The following SRCIN1 variants were observed in gnomAD, a reference collection of about 807,000 sequenced individuals.
SRCIN1 encodes the protein P130Cas-associated protein.
In SRCIN1, 50 loss-of-function variants were observed where a neutral mutation model predicts 116.2. That is an observed-to-expected ratio of 0.43 (90% CI 0.34 to 0.54). The LOEUF (loss-of-function observed/expected upper bound fraction) is 0.54. Among genes scored for constraint, SRCIN1 ranks in the 20% least tolerant of loss-of-function variants. SRCIN1 has a pLI of 0.02. For synonymous variants in SRCIN1, 736 were observed against 750.0 expected (o/e 0.98, Z 0.30); for missense variants, 1,446 against 1,672.0 (o/e 0.86, Z 2.36).
At chr17:38,606,006 G>A (rs1349368475), upstream of SRCIN1, 3 of 143,504 alleles carry the variant, frequency 2.1e-5, no homozygotes, top group South Asian at 2.1e-4. This position sits in a 1 kb window ranked among gnomAD's most constrained non-coding sequence, Gnocchi z 5.2. Context: ...CGCGCGCGGC[G>A]CGGGCGCGCG....
intron 11 of SRCIN1, among the ~76,000 whole-genome samples, chr17:38,557,626 GA>G (rs1905892870): frequency 6.6e-6 from 1 of 152,254 alleles, no homozygotes; most frequent in East Asian, 1.9e-4. Flanking sequence ...ATTTGGATCA[GA>G]AGACTGTCTT....
chr17:38,530,033 G>A lies in SRCIN1; in HGVS notation c.*3264C>T, dbSNP rs1951531860. 6.6e-6 allele frequency: 1 copy of A among 152,156 alleles called. No individual in the cohort carries two copies. The highest frequency in any genetic ancestry group is 1.5e-5 in the Non-Finnish European group (1 of 68,060). 9.4% of individuals were successfully genotyped at this position (152,156 alleles called of 1,614,324 possible). A position where few individuals can be genotyped will look rare whatever the true frequency, so the allele number is the denominator to read the frequency against. On this transcript the variant is annotated 3_prime_UTR_variant, in exon 19 of 19. Transcript: ENST00000617146. Reference sequence around the variant, plus strand: ...GCCTATAGGAAGGAGATCCAGGAGAGGAAAAAGAAACAAGTTTTATTAAAG... The same window carrying A: ...GCCTATAGGAAGGAGATCCAGGAGAAGAAAAAGAAACAAGTTTTATTAAAG...
rs569096883 is a variant in SRCIN1, at chr17:38,558,600, G to A, written c.2026-198C>T. On this transcript the variant is annotated intron_variant, in intron 10 of 18. Transcript: ENST00000617146. The surrounding 1 kb of genome is among the most constrained non-coding windows in gnomAD (Gnocchi z 4.6). ...AGGGGCGGGATGGCGAAGGGCAGGG[G>A]CAGAGGGCTAAGTTCTGGGGAAGAA... Among the ~76,000 whole-genome samples the A allele has an allele frequency of 6.6e-6, 1 of 152,340 alleles. No individual in the cohort carries two copies. The highest frequency in any genetic ancestry group is 6.5e-5 in the Admixed American group (1 of 15,310).
chr17:38,577,690 G>A (rs1223294761), intron 2 of SRCIN1, among the ~76,000 whole-genome samples: 1 of 152,182 alleles, frequency 6.6e-6, no homozygotes, highest in Non-Finnish European at 1.5e-5. Flanking sequence ...ATGCAGAACT[G>A]TACACAGGAT....
intron 1 of SRCIN1, 139 bp from the exon 2 acceptor site, chr17:38,578,930 T>C: frequency 9.9e-7 from 1 of 1,011,772 alleles, no homozygotes; most frequent in East Asian, 2.8e-5. Context: ...AGGCAGGGGC[T>C]GCCCAGCACC....
At chr17:38,570,415 G>C (rs764469401) in intron 2 of SRCIN1, among the ~76,000 whole-genome samples, 3 of 152,186 alleles carry the variant, frequency 2.0e-5, no homozygotes, top group Non-Finnish European at 4.4e-5. Context: ...CTCACAGTGA[G>C]AGACACACAC....
chr17:38,550,447 T>G (rs965899304), intron 15 of SRCIN1, among the ~76,000 whole-genome samples: 1 of 152,040 alleles, frequency 6.6e-6, no homozygotes, highest in African/African-American at 2.4e-5. Flanking sequence ...TGAGCCAAGA[T>G]AGCGCCACTG....
chr17:38,567,184 C>A (rs1045532409), intron 3 of SRCIN1, among the ~76,000 whole-genome samples: 1 of 152,206 alleles, frequency 6.6e-6, no homozygotes, highest in Non-Finnish European at 1.5e-5. Context: ...GGATTACAGG[C>A]GTGAGCCAGC....
chr17:38,561,037 T>C (rs1392322775), intron 7 of SRCIN1, among the ~76,000 whole-genome samples: 1 of 152,200 alleles, frequency 6.6e-6, no homozygotes, highest in Non-Finnish European at 1.5e-5. Flanking sequence ...CCTTTCCTCG[T>C]CACCATTTTT....
Position 38,551,567 on chromosome 17 carries a change from TAGGAA to T in SRCIN1, c.2728-183_2728-179del, listed in dbSNP as rs1199383220. The T allele has an allele frequency of 9.2e-6, 6 of 652,014 alleles. No homozygotes were observed. The East Asian group carries it at 1.4e-4, about 15-fold the overall frequency. 40.4% of individuals were successfully genotyped at this position (652,014 alleles called of 1,614,324 possible). On this transcript the variant is annotated intron_variant, in intron 14 of 18. Transcript: ENST00000617146. The stretch of plus-strand genomic sequence containing the variant: ...GGGTATCACATGGCATCCCCATGGG[TAGGAA>T]TGCCACCCTCATTATATACTACATT...
Position 38,563,584 on chromosome 17 carries a change from C to T in SRCIN1, c.542-63G>A. On this transcript the variant is annotated intron_variant, in intron 4 of 18. Coordinates refer to ENST00000617146, the MANE Select transcript of SRCIN1 (RefSeq NM_025248.3). The surrounding 1 kb of genome is among the most constrained non-coding windows in gnomAD (Gnocchi z 5.8). The stretch of plus-strand genomic sequence containing the variant: ...GTCTCCACGCCGCCCTCCAGGAGAG[C>T]GCGGGGAGCTTTTCGGAGCTGCGCC... The T allele has an allele frequency of 1.3e-6, 2 of 1,534,006 alleles. No individual in the cohort carries two copies. Among genetic ancestry groups the T allele is most frequent in the African/African-American group, 1.4e-5 (1 of 73,054 alleles).
rs1247670808 is a variant in SRCIN1 at position 38,605,680 on chromosome 17, A to G, written c.22+4T>C. On this transcript the variant is annotated splice_donor_region_variant and intron_variant, in intron 1 of 18. Coordinates refer to ENST00000617146, the MANE Select transcript of SRCIN1 (RefSeq NM_025248.3). ...CATTAGGGAGGAGAGAGACAGGGAC[A>G]TGCCTTGGGACGGAGCGTTCCCCAT... 13 of 1,262,802 alleles carry G rather than the reference A, an allele frequency of 1.0e-5. No homozygotes were observed. Among genetic ancestry groups the G allele is most frequent in the Non-Finnish European group, 1.3e-5 (13 of 989,946 alleles). The allele number at this position is 1,262,802 out of a possible 1,614,324, so 78.2% of individuals were successfully genotyped here.
rs1270229462 is a variant in SRCIN1, at chr17:38,561,615, C to T, written c.1548G>A (p.Ser516=). The change falls in exon 7 of 19, where the codon TCG becomes TCA. Residue 516 remains serine, a synonymous_variant. Coordinates refer to ENST00000617146, the MANE Select transcript of SRCIN1 (RefSeq NM_025248.3). The stretch of plus-strand genomic sequence containing the variant: ...CTCCAGGACTCTCGGCAAAGACGGA[C>T]GAGGAGCCCGAGTCCTTGCGGAAGG... ...RQSFRKDSGS[S]SVFAESPGGK... The T allele has an allele frequency of 2.5e-6, 4 of 1,588,122 alleles. No homozygotes were observed. The highest frequency in any genetic ancestry group is 3.4e-6 in the Non-Finnish European group (4 of 1,167,284).
rs1474320150 is a variant in SRCIN1, at chr17:38,572,117, G to A, written c.325-3886C>T. 6.6e-6 allele frequency among the ~76,000 whole-genome samples: 1 copy of A among 152,068 alleles called. No individual in the cohort carries two copies. The highest frequency in any genetic ancestry group is 2.4e-5 in the African/African-American group (1 of 41,442). Reference sequence around the variant, plus strand: ...AAGCCCTGACCACGCACCTTCCAAGGAGGGAGGGCAACCCACGGGTCCACA... The same window carrying A: ...AAGCCCTGACCACGCACCTTCCAAGAAGGGAGGGCAACCCACGGGTCCACA... On this transcript the variant is annotated intron_variant, in intron 2 of 18. Transcript: ENST00000617146. The surrounding 1 kb of genome is among the most constrained non-coding windows in gnomAD (Gnocchi z 4.3).
Position 38,561,961 on chromosome 17 carries a change from C to A in SRCIN1, c.1202G>T (p.Gly401Val). ...KGEGLYADPY[G>V]LLHEGRLSLA... is the part of the protein sequence containing the mutation. The stretch of plus-strand genomic sequence containing the variant: ...GCTCAGACGGCCCTCGTGCAGCAGC[C>A]CGTAGGGGTCAGCATAGAGGCCCTC... The change falls in exon 7 of 19, where the codon GGG (glycine) becomes GTG (valine). Residue 401 changes from glycine to valine, a missense_variant. By Grantham distance (109) the Gly-to-Val change is moderately radical (BLOSUM62 -3). Around this residue, in one of 5 missense-constraint regions of SRCIN1, gnomAD observed 239 missense variants for 317.7 expected, o/e 0.75. Transcript: ENST00000617146. 1 of 1,477,442 alleles carries A rather than the reference C, an allele frequency of 6.8e-7. No homozygotes were observed. The highest frequency in any genetic ancestry group is 8.9e-7 in the Non-Finnish European group (1 of 1,124,004). 91.5% of individuals were successfully genotyped at this position (1,477,442 alleles called of 1,614,324 possible). A position where few individuals can be genotyped will look rare whatever the true frequency, so the allele number is the denominator to read the frequency against.
In SRCIN1 at chr17:38,604,616, G is replaced by T. The variant is rs774093285; in HGVS notation, c.22+1068C>A. The T allele has an allele frequency of 4.6e-5, 20 of 433,266 alleles. No homozygotes were observed. The highest frequency in any genetic ancestry group is 7.8e-5 in the Non-Finnish European group (17 of 216,780). The allele number at this position is 433,266 out of a possible 1,614,324, so 26.8% of individuals were successfully genotyped here. ...CCAGGGCTGCATGGGGACGCGTGGG[G>T]CTGGGGGACGAGCACCAGCAGCCGC... On this transcript the variant is annotated intron_variant, in intron 1 of 18. Transcript: ENST00000617146. The surrounding 1 kb of genome is among the most constrained non-coding windows in gnomAD (Gnocchi z 4.3).
intron 14 of SRCIN1, chr17:38,551,667 A>T (rs1175972961): frequency 4.0e-5 from 29 of 727,410 alleles, no homozygotes; most frequent in Non-Finnish European, 6.3e-5. Context: ...TCTTGGGCAA[A>T]CATCATACTG....
rs1906841313 is a variant in SRCIN1 at position 38,568,128 on chromosome 17, C to G, written c.345+83G>C. ...GTCCGTGCAGATGCGCACCCCGGTG[C>G]AAAGCCTGTGCAAGGGAGAGGCAGG... On this transcript the variant is annotated intron_variant, in intron 3 of 18. Coordinates refer to ENST00000617146, the MANE Select transcript of SRCIN1 (RefSeq NM_025248.3). This position sits in a 1 kb window ranked among gnomAD's most constrained non-coding sequence, Gnocchi z 4.5. The G allele has an allele frequency of 4.5e-6, 7 of 1,549,198 alleles. No individual in the cohort carries two copies. Among genetic ancestry groups the G allele is most frequent in the Non-Finnish European group, 6.2e-6 (7 of 1,127,772 alleles).
At chr17:38,549,010 A>T in intron 16 of SRCIN1, 46 bp downstream of exon 16, 1 of 1,603,618 alleles carries the variant, frequency 6.2e-7, no homozygotes, top group African/African-American at 1.3e-5. Flanking sequence ...CTGAGGCTTC[A>T]TCCTAACTCA....
Sources: gnomAD v4.1 joint callset for allele counts (sites outside exome capture counted in the v4.1 genomes callset) on GRCh38, gnomAD v4.1.1 for gene constraint, gnomAD v4.1.1 regional missense constraint, Gnocchi (gnomAD v3.1) non-coding constraint, MANE v1.5 for transcripts, NCBI Gene and HGNC (gene_info 2026-07-23, HGNC 2026-07-21) for gene names.